HADHA: variants seen among roughly 807,000 people sequenced by gnomAD.
The protein encoded by HADHA is trifunctional enzyme subunit alpha, mitochondrial.
A neutral mutation model predicts 91.3 loss-of-function variants in HADHA; 59 were observed. That is an observed-to-expected ratio of 0.65 (90% confidence interval 0.52 to 0.80). The LOEUF (loss-of-function observed/expected upper bound fraction) is 0.80, where lower values mean the gene tolerates loss of function less well. HADHA is among the 30% of genes least tolerant of loss of function. The pLI is 0.00. For synonymous variants in HADHA, 320 were observed against 338.9 expected, an observed-to-expected ratio of 0.94 and a Z score of 0.61; for missense variants, 800 against 927.6, an observed-to-expected ratio of 0.86 and a Z score of 1.79.
At chr2:26,239,204 A>G in intron 1 of HADHA, 61 bp from the exon 2 acceptor site, 2 of 1,064,170 alleles carry the variant, frequency 1.9e-6, no homozygotes, top group Non-Finnish European at 2.9e-6. Flanking sequence ...CCTTTTATAT[A>G]TAACAAAGCT....
At chr2:26,230,950 G>T (rs1670608046) in intron 6 of HADHA, among the ~76,000 whole-genome samples, 1 of 151,970 alleles carries the variant, frequency 6.6e-6, no homozygotes, top group Non-Finnish European at 1.5e-5. Context: ...TTCTCATATT[G>T]AAACTAGAGA....
At chr2:26,202,570 G>A (rs539882819) in intron 12 of HADHA, among the ~76,000 whole-genome samples, 226 of 152,242 alleles carry the variant, frequency 1.5e-3, no homozygotes, top group Non-Finnish European at 2.9e-3. Flanking sequence ...GTGAAATCCC[G>A]TCTCTATAAG....
At chr2:26,215,895 G>T (rs1574615797) in intron 7 of HADHA, among the ~76,000 whole-genome samples, 2 of 152,232 alleles carry the variant, frequency 1.3e-5, no homozygotes, top group African/African-American at 2.4e-5. Context: ...CTATGGAGAA[G>T]GGGGCCTGAA....
intron 11 of HADHA, among the ~76,000 whole-genome samples, chr2:26,206,950 T>G (rs935485995): frequency 6.6e-6 from 1 of 151,890 alleles, no homozygotes; most frequent in African/African-American, 2.4e-5. Context: ...ATAATCGTAG[T>G]GCTTTGGGAG....
chr2:26,236,505 G>A (rs1574626420), intron 4 of HADHA, among the ~76,000 whole-genome samples: 1 of 148,406 alleles, frequency 6.7e-6, no homozygotes, highest in East Asian at 2.0e-4. Context: ...TGCAACCTCT[G>A]CCTCCCAGGT....
chr2:26,232,083 G>T, intron 6 of HADHA, 77 bp downstream of exon 6: 1 of 986,454 alleles, frequency 1.0e-6, no homozygotes, highest in Non-Finnish European at 1.6e-6. Flanking sequence ...TACAATGAAT[G>T]CCCATATTAT....
At chr2:26,213,340 C>A (rs1338407684) in intron 9 of HADHA, among the ~76,000 whole-genome samples, 1 of 152,204 alleles carries the variant, frequency 6.6e-6, no homozygotes, top group East Asian at 1.9e-4. Flanking sequence ...CTTTGTCTCT[C>A]CTTCGAAACC....
In HADHA at chr2:26,221,924, G is replaced by A. The variant is rs1176718634; in HGVS notation, c.677-6749C>T. On this transcript the variant is annotated intron_variant, in intron 7 of 19. Transcript: ENST00000380649. This position sits in a 1 kb window ranked among gnomAD's most constrained non-coding sequence, Gnocchi z 4.8. ...GGGTCTACTCTGATTCATAGGCCGT[G>A]GCAAACGGTTTGCCTGGGTGGTAAG... Among the ~76,000 whole-genome samples the A allele has an allele frequency of 6.6e-6, 1 of 152,192 alleles. No homozygotes were observed. Among genetic ancestry groups the A allele is most frequent in the East Asian group, 1.9e-4 (1 of 5,196 alleles).
intron 1 of HADHA, among the ~76,000 whole-genome samples, chr2:26,241,215 T>C (rs940126880): frequency 1.3e-5 from 2 of 152,238 alleles, no homozygotes; most frequent in Admixed American, 6.5e-5. Context: ...TATGCTAACA[T>C]AAATTTCAAA....
chr2:26,243,662 G>A (rs62128455), intron 1 of HADHA, among the ~76,000 whole-genome samples: 27,047 of 152,110 alleles, frequency 0.18, 2,767 homozygotes, highest in Middle Eastern at 0.26. Context: ...TAAATTAAAA[G>A]TTAAAATTTC....
chr2:26,196,752 G>C (rs777515874), intron 14 of HADHA, among the ~76,000 whole-genome samples: 1 of 152,190 alleles, frequency 6.6e-6, no homozygotes, highest in African/African-American at 2.4e-5. Flanking sequence ...CTCCGATGGC[G>C]GGGAGAGGTT....
At chr2:26,218,679 C>T (rs1253001137) in intron 7 of HADHA, among the ~76,000 whole-genome samples, 4 of 151,942 alleles carry the variant, frequency 2.6e-5, no homozygotes, top group Non-Finnish European at 5.9e-5. Context: ...TAAATGCATA[C>T]TCTTTTAAGG....
chr2:26,227,426 C>T (rs757417125), intron 7 of HADHA, among the ~76,000 whole-genome samples: 1 of 151,752 alleles, frequency 6.6e-6, no homozygotes, highest in Non-Finnish European at 1.5e-5. Context: ...GCAGGAGAAT[C>T]GCTTGAACCT....
At chr2:26,225,543 T>C (rs1027135539) in intron 7 of HADHA, among the ~76,000 whole-genome samples, 1 of 152,170 alleles carries the variant, frequency 6.6e-6, no homozygotes, top group African/African-American at 2.4e-5. Context: ...TCCTTTATAA[T>C]ATATGACAAC....
At chr2:26,230,547 A>G (rs1214168978) in intron 6 of HADHA, among the ~76,000 whole-genome samples, 1 of 152,182 alleles carries the variant, frequency 6.6e-6, no homozygotes, top group Admixed American at 6.5e-5. Flanking sequence ...TCTTATACTA[A>G]TAAGGTAAAG....
chr2:26,195,603 G>A (rs1177968684), intron 14 of HADHA, among the ~76,000 whole-genome samples: 3 of 151,426 alleles, frequency 2.0e-5, no homozygotes, highest in African/African-American at 4.9e-5. Context: ...TTTGGGCGGG[G>A]GTGGGGCAGG....
intron 1 of HADHA, among the ~76,000 whole-genome samples, chr2:26,243,792 T>C (rs1173319833): frequency 6.6e-6 from 1 of 152,246 alleles, no homozygotes; most frequent in Non-Finnish European, 1.5e-5. Flanking sequence ...ACCCTTTCAC[T>C]GCCAGTTTGA....
Position 26,193,646 on chromosome 2 carries a change from CTT to C in HADHA, c.1814_1815del (p.Lys605SerfsTer26), listed in dbSNP as rs1553312033. 6.2e-7 allele frequency: 1 copy of C among 1,614,178 alleles called. No homozygotes were observed. ...VAKHVAEDLG[K>X]VFGERFGGGN... ...CCACCTCCAAACCGCTCCCCAAAGA[CTT>C]TGCCCAGATCTTCCGCCACATGTTT... On this transcript the variant is annotated frameshift_variant, in exon 17 of 20. Transcript: ENST00000380649. LOFTEE classifies it high-confidence loss of function.
intron 7 of HADHA, among the ~76,000 whole-genome samples, chr2:26,226,927 C>T (rs2147777787): frequency 6.6e-6 from 1 of 152,180 alleles, no homozygotes. Flanking sequence ...ACACTAATAG[C>T]ATGATCCATA....
Sources: gnomAD v4.1 joint callset for allele counts (sites outside exome capture counted in the v4.1 genomes callset) on GRCh38, gnomAD v4.1.1 for gene constraint, Gnocchi (gnomAD v3.1) non-coding constraint, MANE v1.5 for transcripts, NCBI Gene and HGNC (gene_info 2026-07-23, HGNC 2026-07-21) for gene names.